Variants in SPATS2L observed in about 807,000 individuals in gnomAD.
SPATS2L encodes SPATS2-like protein.
SPATS2L carries 30 observed loss-of-function variants against 59.6 expected under a neutral mutation model. The observed-to-expected ratio is 0.50, with a 90% CI of 0.38 to 0.68. SPATS2L has a LOEUF of 0.68. SPATS2L is among the 30% of genes least tolerant of loss of function. The probability of loss-of-function intolerance (pLI) is 0.00; values close to 1 mark genes in which losing one functional copy is unlikely to be tolerated. For synonymous variants in SPATS2L, 252 were observed against 263.5 expected (o/e 0.96, Z 0.42); for missense variants, 615 against 700.0 (o/e 0.88, Z 1.37).
At chr2:200,371,453 T>G (rs1277870844) in intron 2 of SPATS2L, among the ~76,000 whole-genome samples, 1 of 152,200 alleles carries the variant, frequency 6.6e-6, no homozygotes, top group African/African-American at 2.4e-5. Context: ...ACAAGTAGAC[T>G]TGTACAGAAA....
At chr2:200,438,385 T>C (rs1209927550) in intron 6 of SPATS2L, among the ~76,000 whole-genome samples, 1 of 152,098 alleles carries the variant, frequency 6.6e-6, no homozygotes, top group Admixed American at 6.5e-5. Context: ...ATGTTAAGAG[T>C]GATACATTTC....
At chr2:200,335,470 A>G (rs959505948) in intron 2 of SPATS2L, among the ~76,000 whole-genome samples, 4 of 152,208 alleles carry the variant, frequency 2.6e-5, no homozygotes, top group South Asian at 4.1e-4. Flanking sequence ...GGTGCTGGCA[A>G]TATTGTGTGC....
intron 1 of SPATS2L, among the ~76,000 whole-genome samples, chr2:200,318,925 C>G (rs1033298490): frequency 3.3e-5 from 5 of 152,276 alleles, no homozygotes; most frequent in African/African-American, 7.2e-5. Context: ...CTGCAGTGCT[C>G]CGGACCCTAA....
At chr2:200,433,419 T>C (rs2084070223) in intron 6 of SPATS2L, among the ~76,000 whole-genome samples, 5 of 152,090 alleles carry the variant, frequency 3.3e-5, no homozygotes, top group Admixed American at 3.3e-4. Context: ...ACCATAAAAT[T>C]AGTTTCAAAT....
At chr2:200,467,189 A>C in intron 9 of SPATS2L, 101 bp from the exon 10 acceptor site, 1 of 823,206 alleles carries the variant, frequency 1.2e-6, no homozygotes, top group Non-Finnish European at 2.0e-6. Flanking sequence ...GTGGTCCAAC[A>C]AAGCAATCAG....
chr2:200,405,973 T>C (rs917026472), intron 3 of SPATS2L, among the ~76,000 whole-genome samples: 1 of 152,236 alleles, frequency 6.6e-6, no homozygotes, highest in Admixed American at 6.5e-5. Flanking sequence ...TAATTAGAGA[T>C]GCACTTAAAA....
At chr2:200,382,301 C>T (rs1301670953) in intron 2 of SPATS2L, among the ~76,000 whole-genome samples, 1 of 152,184 alleles carries the variant, frequency 6.6e-6, no homozygotes, top group African/African-American at 2.4e-5. Flanking sequence ...TCTCGAACTC[C>T]TGACCTTAGG....
At chr2:200,436,304 T>C (rs1320867994) in intron 6 of SPATS2L, among the ~76,000 whole-genome samples, 1 of 152,218 alleles carries the variant, frequency 6.6e-6, no homozygotes, top group African/African-American at 2.4e-5. Flanking sequence ...AAGACAGATC[T>C]ATACTAAAGT....
chr2:200,472,701 C>T (rs149523447), intron 11 of SPATS2L, 131 bp from the exon 12 acceptor site: 10,373 of 774,440 alleles, frequency 0.013, 97 homozygotes, highest in Non-Finnish European at 0.017. Flanking sequence ...TAACATCTTT[C>T]AAAAGAAAAC....
chr2:200,309,544 G>C (rs1487297527), intron 1 of SPATS2L, among the ~76,000 whole-genome samples: 1 of 152,208 alleles, frequency 6.6e-6, no homozygotes, highest in African/African-American at 2.4e-5. Context: ...GCACAGAAGA[G>C]TAGATTTTAC....
intron 9 of SPATS2L, among the ~76,000 whole-genome samples, chr2:200,466,045 A>AT (rs1338422682): frequency 2.0e-5 from 3 of 152,348 alleles, no homozygotes; most frequent in Admixed American, 1.3e-4. Flanking sequence ...ACAAAAGAAG[A>AT]TAATGCCTTT....
chr2:200,428,239 AG>A lies in SPATS2L; in HGVS notation c.445+8744del, dbSNP rs2083699629. Among the ~76,000 whole-genome samples, 3 of 152,208 alleles carry A rather than the reference AG, an allele frequency of 2.0e-5. No individual in the cohort carries two copies. The South Asian group carries it at 6.2e-4, about 32-fold the overall frequency. On this transcript the variant is annotated intron_variant, in intron 6 of 12. Coordinates refer to ENST00000409140, the MANE Select transcript of SPATS2L (RefSeq NM_001100423.2). The stretch of plus-strand genomic sequence containing the variant: ...CTCTCCAAATAAACTGCTCTAGGTA[AG>A]CTGTTATAGGTAAGTTTAGCAATGG...
chr2:200,353,405 C>T (rs1352968033), intron 2 of SPATS2L, among the ~76,000 whole-genome samples: 1 of 152,142 alleles, frequency 6.6e-6, no homozygotes, highest in East Asian at 1.9e-4. Flanking sequence ...GGGCCAGAAC[C>T]AACCCACACA....
intron 2 of SPATS2L, among the ~76,000 whole-genome samples, chr2:200,334,668 C>G (rs1209278834): frequency 2.0e-5 from 3 of 151,770 alleles, no homozygotes; most frequent in Non-Finnish European, 4.4e-5. Flanking sequence ...AGTCTTTAAT[C>G]CATCTTGAAT....
chr2:200,384,918 A>G (rs2081944223), intron 2 of SPATS2L, among the ~76,000 whole-genome samples: 1 of 152,210 alleles, frequency 6.6e-6, no homozygotes, highest in Non-Finnish European at 1.5e-5. Context: ...CAGGACTTAT[A>G]TTTCTGAGTA....
chr2:200,370,645 ATTAGT>A (rs1559074466), intron 2 of SPATS2L, among the ~76,000 whole-genome samples: 1 of 152,170 alleles, frequency 6.6e-6, no homozygotes, highest in Non-Finnish European at 1.5e-5. Flanking sequence ...TTCTATATAT[ATTAGT>A]TTATTTAATC....
chr2:200,406,265 T>C (rs2082683832), intron 3 of SPATS2L, among the ~76,000 whole-genome samples: 1 of 152,208 alleles, frequency 6.6e-6, no homozygotes, highest in African/African-American at 2.4e-5. Flanking sequence ...ATGGGACTTA[T>C]ATTTAAAATC....
chr2:200,388,664 T>A, intron 2 of SPATS2L, among the ~76,000 whole-genome samples: 1 of 143,536 alleles, frequency 7.0e-6, no homozygotes, highest in African/African-American at 2.6e-5. Context: ...CCTGCAAAGA[T>A]CTGAAATTAG....
chr2:200,332,524 G>A (rs1486301521), intron 2 of SPATS2L, among the ~76,000 whole-genome samples: 3 of 152,122 alleles, frequency 2.0e-5, no homozygotes, highest in Non-Finnish European at 2.9e-5. Flanking sequence ...TGGGATTACA[G>A]GTGTGAGCCA....
Sources: allele counts gnomAD v4.1 joint callset (sites outside exome capture counted in the v4.1 genomes callset), GRCh38; gene constraint gnomAD v4.1.1; transcripts MANE v1.5; gene names NCBI Gene and HGNC (gene_info 2026-07-23, HGNC 2026-07-21).